CNTN6: variants seen among roughly 807,000 people sequenced by gnomAD.
CNTN6 encodes the protein contactin-6.
CNTN6 carries 137 observed loss-of-function variants against 122.8 expected under a neutral mutation model. The observed-to-expected ratio is 1.12, with a 90% CI of 0.97 to 1.29. The LOEUF is 1.29. CNTN6 is among the 50% of genes most tolerant of loss of function. The probability of loss-of-function intolerance (pLI) is 0.00; values close to 1 mark genes in which losing one functional copy is unlikely to be tolerated. For missense variants in CNTN6, 1,634 were observed against 1,223.4 expected, an observed-to-expected ratio of 1.34 and a Z score of -5.01; for synonymous variants, 570 against 426.0, an observed-to-expected ratio of 1.34 and a Z score of -4.16.
intron 4 of CNTN6, among the ~76,000 whole-genome samples, chr3:1,256,734 G>C (rs2094765359): frequency 6.6e-6 from 1 of 151,984 alleles, no homozygotes; most frequent in African/African-American, 2.4e-5. Flanking sequence ...ATATGTTCAT[G>C]GTTTTAAATG....
chr3:1,214,466 G>T (rs1206883177), intron 2 of CNTN6, among the ~76,000 whole-genome samples: 1 of 150,868 alleles, frequency 6.6e-6, no homozygotes, highest in Non-Finnish European at 1.5e-5. Context: ...CCACCACCAC[G>T]CCCAGCTAAT....
intron 11 of CNTN6, among the ~76,000 whole-genome samples, chr3:1,342,206 T>A (rs1320523482): frequency 6.6e-6 from 1 of 152,142 alleles, no homozygotes; most frequent in Admixed American, 6.6e-5. Flanking sequence ...CTCGGCTCAC[T>A]GCAACCTCCG....
At chr3:1,327,662 A>G (rs1575718811) in intron 10 of CNTN6, 76 bp downstream of exon 10, 16 of 1,430,864 alleles carry the variant, frequency 1.1e-5, no homozygotes, top group Non-Finnish European at 1.5e-5. Context: ...TCCCAACCCA[A>G]TTTTTTTTGT....
At chr3:1,290,397 A>T (rs1199080279) in intron 5 of CNTN6, among the ~76,000 whole-genome samples, 1 of 151,232 alleles carries the variant, frequency 6.6e-6, no homozygotes, top group Non-Finnish European at 1.5e-5. Flanking sequence ...AAGGTTGGTT[A>T]CTTGTGGAGC....
chr3:1,327,034 T>A (rs758663322), intron 9 of CNTN6, among the ~76,000 whole-genome samples: 1 of 151,906 alleles, frequency 6.6e-6, no homozygotes, highest in Non-Finnish European at 1.5e-5. Context: ...TAGAAAATTA[T>A]CACATCATCA....
At chr3:1,159,883 C>T (rs915589271) in intron 2 of CNTN6, among the ~76,000 whole-genome samples, 15 of 151,894 alleles carry the variant, frequency 9.9e-5, no homozygotes, top group Non-Finnish European at 1.5e-4. Flanking sequence ...TACAGTGGCG[C>T]GGTCTCAGCT....
At chr3:1,391,720 A>T (rs1694178097) in intron 20 of CNTN6, among the ~76,000 whole-genome samples, 1 of 149,998 alleles carries the variant, frequency 6.7e-6, no homozygotes, top group Admixed American at 6.6e-5. Context: ...CAGGATACAA[A>T]ATCAATGTAC....
chr3:1,382,910 A>C, intron 17 of CNTN6, 32 bp from the exon 18 acceptor site: 1 of 1,466,148 alleles, frequency 6.8e-7, no homozygotes, highest in Non-Finnish European at 9.5e-7. Context: ...TATTTTTGCA[A>C]ATACTCAGTG....
At chr3:1,278,996 G>T (rs1175801581) in intron 5 of CNTN6, among the ~76,000 whole-genome samples, 1 of 152,174 alleles carries the variant, frequency 6.6e-6, no homozygotes, top group Non-Finnish European at 1.5e-5. Flanking sequence ...AGTTAAGATT[G>T]TTACTACGTT....
At chr3:1,330,410 C>T (rs1175663953) in intron 11 of CNTN6, among the ~76,000 whole-genome samples, 6 of 151,778 alleles carry the variant, frequency 4.0e-5, no homozygotes, top group Non-Finnish European at 2.9e-5. Context: ...AGGTTTCCTA[C>T]CATAATGGAT....
At chr3:1,295,498 T>C in intron 5 of CNTN6, 103 bp from the exon 6 acceptor site, 1 of 899,236 alleles carries the variant, frequency 1.1e-6, no homozygotes, top group East Asian at 2.6e-5. Flanking sequence ...GGCACAATTT[T>C]CTCCTAATTA....
At chr3:1,316,477 C>T (rs1700113361) in intron 7 of CNTN6, among the ~76,000 whole-genome samples, 1 of 151,846 alleles carries the variant, frequency 6.6e-6, no homozygotes, top group South Asian at 2.1e-4. Context: ...ATCATGAGAA[C>T]AGCACCACGG....
At chr3:1,297,791 A>C in intron 6 of CNTN6, 98 bp from the exon 7 acceptor site, 1 of 933,382 alleles carries the variant, frequency 1.1e-6, no homozygotes, top group Non-Finnish European at 1.7e-6. Flanking sequence ...CCTAACTCTT[A>C]TTAAGAAGAA....
intron 19 of CNTN6, among the ~76,000 whole-genome samples, chr3:1,384,760 CAT>C (rs1265155889): frequency 0.12 from 12,078 of 99,994 alleles, 768 homozygotes; most frequent in African/African-American, 0.2. Flanking sequence ...CATATATATA[CAT>C]ATATATACAC....
rs554703702 is a variant in CNTN6, at chr3:1,261,681, C to CAGAT, written c.359-16730_359-16727dup. Among the ~76,000 whole-genome samples, 44 of 152,234 alleles carry CAGAT rather than the reference C, an allele frequency of 2.9e-4. No homozygotes were observed. The East Asian group carries it at 8.1e-3, about 28-fold the overall frequency. On this transcript the variant is annotated intron_variant, in intron 4 of 22. Transcript: ENST00000446702. ...CAGGTAACTTCCTAAATGGGTTGAA[C>CAGAT]AGATATATGGGATATGGGGCACCTA...
In CNTN6 at chr3:1,337,245, C is replaced by G. The variant is rs556594972; in HGVS notation, c.1364+7310C>G. ...TCTTCTTGGAGGTTTTTCCAATCAT[C>G]TGATCTTGTGGAGGCACCAGCTAAT... On this transcript the variant is annotated intron_variant, in intron 11 of 22. Coordinates refer to ENST00000446702, the MANE Select transcript of CNTN6 (RefSeq NM_001289080.2). 5.1e-4 allele frequency among the ~76,000 whole-genome samples: 77 copies of G among 152,254 alleles called. 1 individual carries two copies. In the South Asian group the frequency reaches 0.015, roughly 30 times the overall value.
Position 1,275,627 on chromosome 3 carries a change from T to A in CNTN6, c.359-2786T>A, listed in dbSNP as rs114669800. Among the ~76,000 whole-genome samples, 788 of 152,316 alleles carry A rather than the reference T, an allele frequency of 5.2e-3. 6 individuals carry two copies. Among genetic ancestry groups the A allele is most frequent in the Middle Eastern group, 0.017 (5 of 294 alleles). Reference sequence around the variant, plus strand: ...GTGTATATGCTTATAAATCCCATTCTTAGCCCTAAGCTTGTTTTCCTGCCA... The same window carrying A: ...GTGTATATGCTTATAAATCCCATTCATAGCCCTAAGCTTGTTTTCCTGCCA... On this transcript the variant is annotated intron_variant, in intron 4 of 22. Coordinates refer to ENST00000446702, the MANE Select transcript of CNTN6 (RefSeq NM_001289080.2).
chr3:1,384,804 CACACACACATAT>C (rs1692599490), intron 19 of CNTN6, among the ~76,000 whole-genome samples: 1 of 135,104 alleles, frequency 7.4e-6, no homozygotes, highest in Non-Finnish European at 1.6e-5. Flanking sequence ...TATACACACA[CACACACACATAT>C]ATATATATAT....
intron 10 of CNTN6, 50 bp downstream of exon 10, chr3:1,327,636 C>T (rs750512021): frequency 3.3e-5 from 52 of 1,583,330 alleles, no homozygotes; most frequent in South Asian, 7.9e-5. Flanking sequence ...TTTTAACAAG[C>T]TATAATTATG....
Sources: gnomAD v4.1 joint callset for allele counts (sites outside exome capture counted in the v4.1 genomes callset) on GRCh38, gnomAD v4.1.1 for gene constraint, MANE v1.5 for transcripts, NCBI Gene and HGNC (gene_info 2026-07-23, HGNC 2026-07-21) for gene names.